Variants in GRM8 observed in about 807,000 individuals in gnomAD.
GRM8 encodes the protein glutamate metabotropic receptor 8, also known as metabotropic glutamate receptor 8.
A neutral mutation model predicts 87.2 loss-of-function variants in GRM8; 47 were observed. The observed-to-expected ratio is 0.54, with a 90% CI of 0.43 to 0.69. The LOEUF (loss-of-function observed/expected upper bound fraction) is 0.69. Ranked by LOEUF, GRM8 falls within the 30% of genes least tolerant of loss-of-function variation. The pLI, the probability that GRM8 is intolerant of heterozygous loss-of-function variation, is 0.00. For missense variants in GRM8, 1,019 were observed against 1,139.2 expected, an observed-to-expected ratio of 0.89 and a Z score of 1.52; for synonymous variants, 396 against 404.5, an observed-to-expected ratio of 0.98 and a Z score of 0.25.
chr7:127,049,917 G>C lies in GRM8; in HGVS notation c.727+56579C>G, dbSNP rs569167123. Reference sequence around the variant, plus strand: ...CAATGCCTTAGGAGAAAGAAGAAGTGGGGGAGTCTGGTGTGCGTGGTGGAA... The same window carrying C: ...CAATGCCTTAGGAGAAAGAAGAAGTCGGGGAGTCTGGTGTGCGTGGTGGAA... On this transcript the variant is annotated intron_variant, in intron 3 of 10. Transcript: ENST00000339582. Among the ~76,000 whole-genome samples the C allele has an allele frequency of 6.6e-5, 10 of 152,274 alleles. No individual in the cohort carries two copies. The South Asian group carries it at 1.0e-3, about 16-fold the overall frequency.
chr7:127,043,303 G>A (rs1818608252), intron 3 of GRM8, among the ~76,000 whole-genome samples: 1 of 152,216 alleles, frequency 6.6e-6, no homozygotes, highest in South Asian at 2.1e-4. Context: ...CTGCTCTAAA[G>A]ACACATGCAC....
intron 8 of GRM8, among the ~76,000 whole-genome samples, chr7:126,583,978 A>G (rs1795857751): frequency 6.6e-6 from 1 of 152,170 alleles, no homozygotes; most frequent in African/African-American, 2.4e-5. Flanking sequence ...GTCCATTTAT[A>G]TGGCAAACTC....
intron 8 of GRM8, among the ~76,000 whole-genome samples, chr7:126,592,846 A>G (rs1370312354): frequency 6.6e-6 from 1 of 151,902 alleles, no homozygotes; most frequent in Non-Finnish European, 1.5e-5. Flanking sequence ...TAAATTAGAA[A>G]AGAAGAGATA....
chr7:127,034,053 GT>G (rs1292984384), intron 3 of GRM8, among the ~76,000 whole-genome samples: 2 of 152,138 alleles, frequency 1.3e-5, no homozygotes, highest in Admixed American at 6.6e-5. Flanking sequence ...TCTTTATCCT[GT>G]TTATCAAATT....
chr7:126,999,013 C>T (rs545911528), intron 3 of GRM8, among the ~76,000 whole-genome samples: 1 of 152,006 alleles, frequency 6.6e-6, no homozygotes, highest in East Asian at 1.9e-4. Context: ...AATTATACTA[C>T]AGGGCAATAA....
chr7:126,858,688 T>G (rs1480796010), intron 6 of GRM8, among the ~76,000 whole-genome samples: 1 of 152,188 alleles, frequency 6.6e-6, no homozygotes, highest in Admixed American at 6.6e-5. Context: ...ACTCCCGCCC[T>G]GCAAGAAAAG....
intron 9 of GRM8, among the ~76,000 whole-genome samples, chr7:126,472,482 T>C (rs1477998709): frequency 2.0e-5 from 3 of 152,152 alleles, no homozygotes; most frequent in African/African-American, 7.2e-5. Context: ...TGGGTGCCCT[T>C]AAAAGCATTC....
rs1024180388 is a variant in GRM8 at position 127,000,791 on chromosome 7, G to A, written c.728-96108C>T. 2.6e-5 allele frequency among the ~76,000 whole-genome samples: 4 copies of A among 151,558 alleles called. No homozygotes were observed. In the East Asian group the frequency reaches 5.8e-4, roughly 22 times the overall value. On this transcript the variant is annotated intron_variant, in intron 3 of 10. Coordinates refer to ENST00000339582, the MANE Select transcript of GRM8 (RefSeq NM_000845.3). ...AAAATTCTGGAAATATTGGTGACAC[G>A]ACGATGCAAATGTAATTAATGCCAC...
At chr7:127,187,263 A>G (rs1794787838) in intron 2 of GRM8, among the ~76,000 whole-genome samples, 1 of 152,248 alleles carries the variant, frequency 6.6e-6, no homozygotes, top group East Asian at 1.9e-4. Context: ...TTAATATCAA[A>G]ACATCTAGGT....
At chr7:127,041,141 A>G (rs2132400147) in intron 3 of GRM8, among the ~76,000 whole-genome samples, 1 of 152,346 alleles carries the variant, frequency 6.6e-6, no homozygotes, top group South Asian at 2.1e-4. Context: ...AATTACCCAG[A>G]GCATAAAGTT....
At chr7:126,527,699 T>C (rs1814078914) in intron 9 of GRM8, among the ~76,000 whole-genome samples, 1 of 152,222 alleles carries the variant, frequency 6.6e-6, no homozygotes, top group South Asian at 2.1e-4. Flanking sequence ...ATTATTCACA[T>C]TCCAAATTAT....
At chr7:126,583,473 T>C (rs1562976308) in intron 8 of GRM8, among the ~76,000 whole-genome samples, 1 of 152,152 alleles carries the variant, frequency 6.6e-6, no homozygotes, top group East Asian at 1.9e-4. Context: ...AGAAAATACA[T>C]TGAAAACTTC....
chr7:127,191,219 ACT>A (rs796433727), intron 2 of GRM8, among the ~76,000 whole-genome samples: 9 of 152,312 alleles, frequency 5.9e-5, no homozygotes, highest in African/African-American at 2.2e-4. Context: ...AGACTAAATA[ACT>A]CTGCAATATC....
chr7:127,076,809 T>G (rs1342195737), intron 3 of GRM8, among the ~76,000 whole-genome samples: 3 of 152,240 alleles, frequency 2.0e-5, no homozygotes, highest in East Asian at 3.9e-4. Flanking sequence ...AAGTAAGGAC[T>G]GCCCAAGTGG....
intron 7 of GRM8, among the ~76,000 whole-genome samples, chr7:126,632,446 A>C (rs1399563664): frequency 6.6e-6 from 1 of 152,172 alleles, no homozygotes. Context: ...AATGTAAATT[A>C]ATTTACCCAC....
intron 2 of GRM8, among the ~76,000 whole-genome samples, chr7:127,191,323 G>A (rs1361460350): frequency 6.6e-6 from 1 of 152,136 alleles, no homozygotes. Flanking sequence ...CAATGCATTT[G>A]ACAGTTTAAC....
intron 6 of GRM8, among the ~76,000 whole-genome samples, chr7:126,866,842 G>A (rs184709368): frequency 3.5e-3 from 528 of 151,750 alleles, no homozygotes; most frequent in Middle Eastern, 6.8e-3. Flanking sequence ...CACCCACCTC[G>A]GCCTCCCAAA....
At chr7:126,556,337 TAAAAAAA>T (rs3038820) in intron 8 of GRM8, among the ~76,000 whole-genome samples, 11 of 111,318 alleles carry the variant, frequency 9.9e-5, no homozygotes, top group Admixed American at 3.0e-4. Flanking sequence ...TTCTCCTCTT[TAAAAAAA>T]AAAAAAAAAA....
chr7:126,896,563 A>G (rs973865118), intron 6 of GRM8, among the ~76,000 whole-genome samples: 1 of 152,088 alleles, frequency 6.6e-6, no homozygotes, highest in Non-Finnish European at 1.5e-5. Flanking sequence ...TAACTTTACA[A>G]AACAGAGGAT....
Sources: gnomAD v4.1 joint callset for allele counts (sites outside exome capture counted in the v4.1 genomes callset) on GRCh38, gnomAD v4.1.1 for gene constraint, MANE v1.5 for transcripts, NCBI Gene and HGNC (gene_info 2026-07-23, HGNC 2026-07-21) for gene names.